Variants in ALMS1 observed in about 807,000 individuals in gnomAD.
ALMS1 encodes the protein ALMS1 centrosome and basal body associated protein, also known as centrosome-associated protein ALMS1.
ALMS1 carries 271 observed loss-of-function variants against 352.2 expected under a neutral mutation model. That is an observed-to-expected ratio of 0.77 (90% CI 0.70 to 0.85). The LOEUF is 0.85. Ranked by LOEUF, ALMS1 falls within the 40% of genes least tolerant of loss-of-function variation. The pLI, the probability that ALMS1 is intolerant of heterozygous loss-of-function variation, is 0.00. For missense variants in ALMS1, 5,445 were observed against 4,870.7 expected (o/e 1.12, Z -3.51); for synonymous variants, 1,865 against 1,761.2 (o/e 1.06, Z -1.48).
In ALMS1 at chr2:73,602,163, TTC is replaced by T. The variant is rs781270096; in HGVS notation, c.12115-18_12115-17del. The T allele has an allele frequency of 3.1e-6, 5 of 1,608,428 alleles. No homozygotes were observed. In the South Asian group the frequency reaches 3.3e-5, roughly 11 times the overall value. ...CATCATTAATCTGAGGCTGGGCATTTTCTCTTTTTTTTTTCTTTTAGGAATCG... is the reference window on the plus strand; with the variant it reads ...CATCATTAATCTGAGGCTGGGCATTTTCTTTTTTTTTTCTTTTAGGAATCG... On this transcript the variant is annotated intron_variant, in intron 19 of 22. Transcript: ENST00000613296.
intron 10 of ALMS1, among the ~76,000 whole-genome samples, chr2:73,515,170 A>G (rs927138923): frequency 7.2e-5 from 11 of 152,078 alleles, no homozygotes; most frequent in East Asian, 1.9e-4. Flanking sequence ...TGAATTTACA[A>G]ATTATTTTTA....
chr2:73,558,801 G>A (rs192514194), intron 14 of ALMS1, among the ~76,000 whole-genome samples, 171 bp from the exon 15 acceptor site: 2 of 152,144 alleles, frequency 1.3e-5, no homozygotes, highest in Admixed American at 6.5e-5. Flanking sequence ...ATCTGTTTAC[G>A]TATGTGATTT....
At chr2:73,515,991 G>A (rs929398199) in intron 10 of ALMS1, among the ~76,000 whole-genome samples, 15 of 151,994 alleles carry the variant, frequency 9.9e-5, no homozygotes, top group Non-Finnish European at 2.1e-4. Context: ...AAAAGAAACC[G>A]TCAGCATAGT....
At position 73,451,197 on chromosome 2, in the gene ALMS1, C is replaced by T. The variant is rs1224480824; in HGVS notation, c.4670C>T (p.Ala1557Val). The T allele has an allele frequency of 1.7e-5, 27 of 1,613,662 alleles. No individual in the cohort carries two copies. Among genetic ancestry groups the T allele is most frequent in the Non-Finnish European group, 2.3e-5 (27 of 1,179,898 alleles). Residue 1557 changes from alanine to valine, a missense_variant, in exon 8 of 23, where the codon GCT becomes GTT. Coordinates refer to ENST00000613296, the MANE Select transcript of ALMS1 (RefSeq NM_001378454.1). ...AGAGTTTCTTCTGCTCCTGGACCAG[C>T]TGACCAGACAACTGGCATACCAACC... The part of the protein sequence containing the change: ...ALRVSSAPGP[A>V]DQTTGIPTIT...
At chr2:73,556,099 A>G (rs1674537074) in intron 13 of ALMS1, among the ~76,000 whole-genome samples, 1 of 152,160 alleles carries the variant, frequency 6.6e-6, no homozygotes, top group African/African-American at 2.4e-5. Context: ...TTATATTTGT[A>G]ATATTTTATT....
intron 16 of ALMS1, among the ~76,000 whole-genome samples, chr2:73,576,949 T>A (rs2104117563): frequency 6.6e-6 from 1 of 152,220 alleles, no homozygotes; most frequent in Middle Eastern, 3.4e-3. Context: ...TCTGTTAATA[T>A]GGTGTATATT....
chr2:73,435,688 C>T (rs1671591571), intron 7 of ALMS1, among the ~76,000 whole-genome samples: 1 of 151,918 alleles, frequency 6.6e-6, no homozygotes, highest in Non-Finnish European at 1.5e-5. Flanking sequence ...CTAACCTGAG[C>T]TCAAGTGATC....
At position 73,451,626 on chromosome 2, in the gene ALMS1, A is replaced by G; in HGVS notation, c.5099A>G (p.Gln1700Arg). Residue 1700 changes from glutamine (Q) to arginine (R), a missense_variant, in exon 8 of 23, where the codon CAG becomes CGG. Transcript: ENST00000613296. ...KVPPVPGPDA[Q>R]KTETPSVSSS... ...CCACCTGTTCCTGGACCAGATGCCCAGAAGACTGAGACACCATCAGTATCC... is the reference window on the plus strand; with the variant it reads ...CCACCTGTTCCTGGACCAGATGCCCGGAAGACTGAGACACCATCAGTATCC... 1.2e-6 allele frequency: 2 copies of G among 1,614,120 alleles called. No homozygotes were observed. The highest frequency in any genetic ancestry group is 8.5e-7 in the Non-Finnish European group (1 of 1,179,986).
In ALMS1 at chr2:73,408,874, T is replaced by C; in HGVS notation, c.450+127T>C. The C allele has an allele frequency of 1.0e-5, 9 of 892,770 alleles. No individual in the cohort carries two copies. In the African/African-American group the frequency reaches 1.5e-4, roughly 15 times the overall value. 55.3% of individuals were successfully genotyped at this position (892,770 alleles called of 1,614,324 possible). Reference sequence around the variant, plus strand: ...ATTATGTTTTCTTGTCTTTTTTTTTTTTTTTTTTTTTTTTTTAAGACAGGG... The same window carrying C: ...ATTATGTTTTCTTGTCTTTTTTTTTCTTTTTTTTTTTTTTTTAAGACAGGG... On this transcript the variant is annotated intron_variant, in intron 2 of 22. Transcript: ENST00000613296.
At chr2:73,484,110 G>T (rs1300032438) in intron 9 of ALMS1, among the ~76,000 whole-genome samples, 3 of 151,678 alleles carry the variant, frequency 2.0e-5, no homozygotes, top group Non-Finnish European at 4.4e-5. Flanking sequence ...ATTTGATCCT[G>T]TCATTATGAT....
At chr2:73,607,098 G>A (rs916023237) in intron 21 of ALMS1, among the ~76,000 whole-genome samples, 3 of 152,298 alleles carry the variant, frequency 2.0e-5, no homozygotes, top group Non-Finnish European at 2.9e-5. Context: ...CCATCTAATG[G>A]AGGATGGGAA....
At position 73,602,177 on chromosome 2, in the gene ALMS1, T is replaced by C. The variant is rs78455676; in HGVS notation, c.12115-8T>C. ...GGCTGGGCATTTTCTCTTTTTTTTT[T>C]CTTTTAGGAATCGCTTCAGTTTCAC... is the stretch of plus-strand genomic sequence containing the variant. On this transcript the variant is annotated splice_region_variant and splice_polypyrimidine_tract_variant and intron_variant, in intron 19 of 22. Coordinates refer to ENST00000613296, the MANE Select transcript of ALMS1 (RefSeq NM_001378454.1). 2.5e-6 allele frequency: 4 copies of C among 1,612,744 alleles called. No homozygotes were observed. In the South Asian group the frequency reaches 3.3e-5, roughly 13 times the overall value.
rs1671925635 is a variant in ALMS1 at position 73,451,008 on chromosome 2, A to T, written c.4481A>T (p.His1494Leu). The change falls in exon 8 of 23, where the codon CAT becomes CTT. Residue 1494 changes from histidine to leucine, a missense_variant. Physicochemically the swap from His to Leu is moderately conservative, Grantham distance 99. Coordinates refer to ENST00000613296, the MANE Select transcript of ALMS1 (RefSeq NM_001378454.1). The part of the protein sequence containing the change: ...VIYKQAFPEG[H>L]LPEESLKVSV... The stretch of plus-strand genomic sequence containing the variant: ...TACAAACAGGCCTTTCCAGAGGGTC[A>T]TCTACCTGAAGAGTCTCTGAAAGTT... 6.2e-7 allele frequency: 1 copy of T among 1,613,964 alleles called. No homozygotes were observed. The highest frequency in any genetic ancestry group is 1.7e-5 in the Admixed American group (1 of 60,000).
chr2:73,390,281 G>C (rs540268370), intron 1 of ALMS1, among the ~76,000 whole-genome samples: 1 of 152,150 alleles, frequency 6.6e-6, no homozygotes, highest in Non-Finnish European at 1.5e-5. Context: ...TTTCTTGCTA[G>C]AAATTTATGA....
intron 9 of ALMS1, among the ~76,000 whole-genome samples, chr2:73,487,372 C>A (rs978674046): frequency 6.6e-6 from 1 of 152,108 alleles, no homozygotes; most frequent in African/African-American, 2.4e-5. Context: ...GCTGGCGCCA[C>A]GCAAGGCTGC....
At position 73,572,254 on chromosome 2, in the gene ALMS1, C is replaced by A. The variant is rs1227092792; in HGVS notation, c.10385-8C>A. 6.2e-7 allele frequency: 1 copy of A among 1,601,280 alleles called. No individual in the cohort carries two copies. Among genetic ancestry groups the A allele is most frequent in the Non-Finnish European group, 8.5e-7 (1 of 1,176,406 alleles). On this transcript the variant is annotated splice_region_variant and splice_polypyrimidine_tract_variant and intron_variant, in intron 15 of 22. Coordinates refer to ENST00000613296, the MANE Select transcript of ALMS1 (RefSeq NM_001378454.1). Reference sequence around the variant, plus strand: ...AGTTCTTTCAAAATCTTTTTTTCTCCTTTTCAGAGTCCGAATGTCATTCAG... The same window carrying A: ...AGTTCTTTCAAAATCTTTTTTTCTCATTTTCAGAGTCCGAATGTCATTCAG...
At chr2:73,461,216 A>G (rs4852931) in intron 9 of ALMS1, among the ~76,000 whole-genome samples, 130,663 of 152,066 alleles carry the variant, frequency 0.86, 56,213 homozygotes, top group Admixed American at 0.9. Flanking sequence ...ACCTCACACG[A>G]CCGGGTACTC....
intron 10 of ALMS1, among the ~76,000 whole-genome samples, chr2:73,498,168 A>T (rs1382317174): frequency 4.6e-5 from 7 of 151,874 alleles, no homozygotes; most frequent in Admixed American, 4.6e-4. Flanking sequence ...TCAGTGAGTT[A>T]CTTTTTGCTG....
At chr2:73,549,363 A>T (rs1674383127) in intron 12 of ALMS1, among the ~76,000 whole-genome samples, 1 of 152,122 alleles carries the variant, frequency 6.6e-6, no homozygotes, top group Admixed American at 6.5e-5. Flanking sequence ...AACATAGCTA[A>T]ATATATTATT....
Sources: allele counts gnomAD v4.1 joint callset (sites outside exome capture counted in the v4.1 genomes callset), GRCh38; gene constraint gnomAD v4.1.1; transcripts MANE v1.5; gene names NCBI Gene and HGNC (gene_info 2026-07-23, HGNC 2026-07-21).